The following IMMP1L variants were observed in gnomAD, a reference collection of about 807,000 sequenced individuals.
IMMP1L encodes mitochondrial inner membrane protease subunit 1.
Under a neutral mutation model 21.8 loss-of-function variants are expected in IMMP1L, and 24 were observed. The ratio of observed to expected loss-of-function variants is 1.10; its 90% CI spans 0.80 to 1.55. IMMP1L has a LOEUF of 1.55. Among genes scored for constraint, IMMP1L ranks in the 40% most tolerant of loss-of-function variants. The pLI is 0.00. For missense variants in IMMP1L, 195 were observed against 200.7 expected (o/e 0.97, Z 0.17); for synonymous variants, 46 against 62.8 (o/e 0.73, Z 1.26).
At chr11:31,432,837 G>A (rs1952958569) in intron 5 of IMMP1L, among the ~76,000 whole-genome samples, 1 of 152,142 alleles carries the variant, frequency 6.6e-6, no homozygotes, top group African/African-American at 2.4e-5. Flanking sequence ...ATGAATATAT[G>A]GTCTGTGTTT....
At chr11:31,466,401 G>C (rs1033170687) in intron 1 of IMMP1L, among the ~76,000 whole-genome samples, 2 of 152,016 alleles carry the variant, frequency 1.3e-5, no homozygotes, top group African/African-American at 4.8e-5. Context: ...CTGCTACTGG[G>C]TATTAATCCG....
At chr11:31,450,695 CA>C (rs1953720643) in intron 4 of IMMP1L, among the ~76,000 whole-genome samples, 1 of 152,116 alleles carries the variant, frequency 6.6e-6, no homozygotes, top group Non-Finnish European at 1.5e-5. Flanking sequence ...TTGGGCAGTT[CA>C]GCAGCGTGGT....
At chr11:31,484,795 T>C (rs1383455932) in intron 1 of IMMP1L, among the ~76,000 whole-genome samples, 2 of 151,966 alleles carry the variant, frequency 1.3e-5, no homozygotes, top group Non-Finnish European at 2.9e-5. Flanking sequence ...ATACTTTGTT[T>C]ATAAGGCAAT....
At chr11:31,460,573 ATG>A (rs1954103692) in intron 3 of IMMP1L, 51 bp downstream of exon 3, 64 of 1,082,048 alleles carry the variant, frequency 5.9e-5, no homozygotes, top group Non-Finnish European at 8.1e-5. Context: ...AAAAGCCACA[ATG>A]TGTGTGTGTA....
intron 1 of IMMP1L, among the ~76,000 whole-genome samples, chr11:31,469,976 C>T (rs1045031444): frequency 6.6e-6 from 1 of 152,080 alleles, no homozygotes; most frequent in African/African-American, 2.4e-5. Context: ...AATTCTATGT[C>T]TGATGAAAAT....
At chr11:31,479,935 A>C (rs1253670402) in intron 1 of IMMP1L, among the ~76,000 whole-genome samples, 1 of 152,050 alleles carries the variant, frequency 6.6e-6, no homozygotes, top group Non-Finnish European at 1.5e-5. Flanking sequence ...CTTCTACTTC[A>C]TATTTTCAGT....
In IMMP1L at chr11:31,463,201, C is replaced by T; in HGVS notation, c.76G>A (p.Ala26Thr). The T allele has an allele frequency of 6.2e-7, 1 of 1,610,082 alleles. No individual in the cohort carries two copies. The highest frequency in any genetic ancestry group is 1.1e-5 in the South Asian group (1 of 90,176). The change falls in exon 2 of 6, where the codon GCT becomes ACT. Residue 26 changes from alanine (A) to threonine (T), a missense_variant. By Grantham distance (58) the Ala-to-Thr change is moderately conservative. Coordinates refer to ENST00000532287, the MANE Select transcript of IMMP1L (RefSeq NM_001304274.2). ...ACAACACCACCAACGTATTCAAAAG[C>T]ACAATGAGCTATACAGCCATATTGA... ...TIQYGCIAHC[A>T]FEYVGGVVMC...
rs567363456 is a variant in IMMP1L at position 31,450,278 on chromosome 11, T to C, written c.321+5982A>G. On this transcript the variant is annotated intron_variant, in intron 4 of 5. Coordinates refer to ENST00000532287, the MANE Select transcript of IMMP1L (RefSeq NM_001304274.2). ...CAACCTCATTAGTAGGCAATGAATGTTGCAAGGGCAACTTAGCCTTCATCG... is the reference window on the plus strand; with the variant it reads ...CAACCTCATTAGTAGGCAATGAATGCTGCAAGGGCAACTTAGCCTTCATCG... Among the ~76,000 whole-genome samples the C allele has an allele frequency of 5.3e-5, 8 of 152,332 alleles. No homozygotes were observed. The South Asian group carries it at 1.2e-3, about 24-fold the overall frequency.
intron 4 of IMMP1L, among the ~76,000 whole-genome samples, chr11:31,435,799 T>TA (rs1953099066): frequency 1.3e-5 from 2 of 152,200 alleles, no homozygotes; most frequent in African/African-American, 4.8e-5. Context: ...TCATTTCTGT[T>TA]ATGAGCCTTT....
intron 1 of IMMP1L, among the ~76,000 whole-genome samples, chr11:31,468,619 A>G (rs973521525): frequency 6.6e-6 from 1 of 152,184 alleles, no homozygotes; most frequent in Non-Finnish European, 1.5e-5. Context: ...TACGTACCAG[A>G]TACTGTGTTC....
intron 1 of IMMP1L, among the ~76,000 whole-genome samples, chr11:31,473,330 T>G (rs1215332595): frequency 6.6e-6 from 1 of 152,184 alleles, no homozygotes; most frequent in East Asian, 1.9e-4. Context: ...ATTACAGGCA[T>G]GAGCCACTGC....
At chr11:31,470,807 T>A (rs903244654) in intron 1 of IMMP1L, among the ~76,000 whole-genome samples, 15 of 152,064 alleles carry the variant, frequency 9.9e-5, no homozygotes, top group African/African-American at 3.6e-4. Context: ...ACCAATGAAA[T>A]CCTGTCAAAC....
chr11:31,466,041 A>C (rs1268698647), intron 1 of IMMP1L, among the ~76,000 whole-genome samples: 1 of 152,092 alleles, frequency 6.6e-6, no homozygotes, highest in Non-Finnish European at 1.5e-5. Context: ...TAATATCTAG[A>C]ATATACAAGG....
intron 4 of IMMP1L, among the ~76,000 whole-genome samples, chr11:31,435,215 C>G (rs1299233442): frequency 4.6e-5 from 7 of 152,164 alleles, no homozygotes; most frequent in African/African-American, 1.7e-4. Flanking sequence ...CTAGGGATAT[C>G]TTTGTCTGAC....
chr11:31,434,581 T>C (rs577908037), intron 4 of IMMP1L, among the ~76,000 whole-genome samples: 1 of 152,276 alleles, frequency 6.6e-6, no homozygotes, highest in Admixed American at 6.5e-5. Flanking sequence ...CTACTGGGTT[T>C]AATAAGAGAT....
chr11:31,487,010 A>T (rs899878675), intron 1 of IMMP1L, among the ~76,000 whole-genome samples: 1 of 151,802 alleles, frequency 6.6e-6, no homozygotes, highest in Non-Finnish European at 1.5e-5. Context: ...GGTTACAAAG[A>T]TGTATGCTAA....
At chr11:31,501,876 G>T (rs1955629310) in intron 1 of IMMP1L, among the ~76,000 whole-genome samples, 1 of 151,844 alleles carries the variant, frequency 6.6e-6, no homozygotes, top group Non-Finnish European at 1.5e-5. Context: ...TACTTGGAAG[G>T]CTGAAGCATG....
intron 4 of IMMP1L, among the ~76,000 whole-genome samples, chr11:31,443,210 T>C (rs1953399803): frequency 2.6e-5 from 4 of 152,174 alleles, no homozygotes; most frequent in Admixed American, 2.6e-4. Context: ...AAATGAATAA[T>C]TTATTAGTAT....
chr11:31,468,694 G>C (rs1440579197), intron 1 of IMMP1L, among the ~76,000 whole-genome samples: 1 of 152,110 alleles, frequency 6.6e-6, no homozygotes, highest in Non-Finnish European at 1.5e-5. Context: ...TAGTGGGGCA[G>C]ATATCATAGA....
Sources: gnomAD v4.1 joint callset for allele counts (sites outside exome capture counted in the v4.1 genomes callset) on GRCh38, gnomAD v4.1.1 for gene constraint, MANE v1.5 for transcripts, NCBI Gene and HGNC (gene_info 2026-07-23, HGNC 2026-07-21) for gene names.